The following SLC35D1 variants were observed in gnomAD, a reference collection of about 807,000 sequenced individuals.
The protein encoded by SLC35D1 is solute carrier family 35 member D1.
Under a neutral mutation model 46.7 loss-of-function variants are expected in SLC35D1, and 31 were observed. That is an observed-to-expected ratio of 0.66 (90% CI 0.50 to 0.90). The LOEUF is 0.90. Ranked by LOEUF, SLC35D1 falls within the 40% of genes least tolerant of loss-of-function variation. The pLI is 0.00. For synonymous variants in SLC35D1, 195 were observed against 164.6 expected (o/e 1.18, Z -1.41); for missense variants, 397 against 426.2 (o/e 0.93, Z 0.60).
rs190638811 is a variant in SLC35D1, at chr1:67,027,104, G to C, written c.730-5502C>G. ...ATTCATACATTACCTATTTCTTCTT[G>C]AGTGAGCTTTGGTACATAGTTTGTC... On this transcript the variant is annotated intron_variant, in intron 8 of 11. Coordinates refer to ENST00000235345, the MANE Select transcript of SLC35D1 (RefSeq NM_015139.3). Among the ~76,000 whole-genome samples, 35 of 152,272 alleles carry C rather than the reference G, an allele frequency of 2.3e-4. No individual in the cohort carries two copies. The East Asian group carries it at 6.6e-3, about 29-fold the overall frequency.
At chr1:67,033,070 A>G (rs1368430725) in intron 8 of SLC35D1, among the ~76,000 whole-genome samples, 3 of 152,158 alleles carry the variant, frequency 2.0e-5, no homozygotes, top group African/African-American at 7.2e-5. Flanking sequence ...TGCAAATTTC[A>G]GCATCTCCTT....
At chr1:66,974,483 TC>T in the SLC35D1 span, among the ~76,000 whole-genome samples, 1 of 151,898 alleles carries the variant, frequency 6.6e-6, no homozygotes, top group Non-Finnish European at 1.5e-5. Context: ...ATTAAAACAC[TC>T]TTAACCAAAC....
chr1:67,020,237 C>T (rs1225174315), intron 10 of SLC35D1, 132 bp downstream of exon 10: 2 of 681,372 alleles, frequency 2.9e-6, no homozygotes, highest in Admixed American at 4.1e-5. Flanking sequence ...ACTATCACCA[C>T]AATTTGTCAA....
At chr1:67,019,555 G>A (rs1470316312) in intron 10 of SLC35D1, among the ~76,000 whole-genome samples, 1 of 152,200 alleles carries the variant, frequency 6.6e-6, no homozygotes, top group African/African-American at 2.4e-5. Context: ...ATAAACAGCA[G>A]AGCAGTAAAA....
the SLC35D1 span, among the ~76,000 whole-genome samples, chr1:66,988,812 C>A: frequency 6.6e-6 from 1 of 152,172 alleles, no homozygotes; most frequent in Non-Finnish European, 1.5e-5. Context: ...GCAAATATTT[C>A]GGCCTATACT....
rs2102222817 is a variant in SLC35D1 at position 67,003,021 on chromosome 1, T to C, written c.*1319A>G. On this transcript the variant is annotated 3_prime_UTR_variant, in exon 12 of 12. Coordinates refer to ENST00000235345, the MANE Select transcript of SLC35D1 (RefSeq NM_015139.3). ...AATGCAGCATTGGTTTTGAGAGAAGTTGGCAAGCTCAGTAGGTGAGCCAAG... is the reference window on the plus strand; with the variant it reads ...AATGCAGCATTGGTTTTGAGAGAAGCTGGCAAGCTCAGTAGGTGAGCCAAG... 1 of 152,448 alleles carries C rather than the reference T, an allele frequency of 6.6e-6. No individual in the cohort carries two copies. The highest frequency in any genetic ancestry group is 2.4e-5 in the African/African-American group (1 of 41,542). The allele number at this position is 152,448 out of a possible 1,614,324, so 9.4% of individuals were successfully genotyped here. A position where few individuals can be genotyped will look rare whatever the true frequency, so the allele number is the denominator to read the frequency against.
chr1:66,979,660 T>A, the SLC35D1 span, among the ~76,000 whole-genome samples: 1 of 152,228 alleles, frequency 6.6e-6, no homozygotes, highest in Non-Finnish European at 1.5e-5. Flanking sequence ...TATTAATCTT[T>A]AGGAAACAAT....
At chr1:67,024,776 C>T (rs1302437714) in intron 8 of SLC35D1, among the ~76,000 whole-genome samples, 1 of 152,084 alleles carries the variant, frequency 6.6e-6, no homozygotes, top group East Asian at 1.9e-4. Flanking sequence ...CAAGGTCTTG[C>T]TTTGTCAACC....
chr1:67,046,441 T>C (rs1021175645), intron 7 of SLC35D1, among the ~76,000 whole-genome samples: 3 of 135,604 alleles, frequency 2.2e-5, no homozygotes, highest in Non-Finnish European at 4.9e-5. Flanking sequence ...GGTAGGAAAA[T>C]AAGATAAAGT....
Position 67,004,389 on chromosome 1 carries a change from T to G in SLC35D1, c.1019A>C (p.Gln340Pro). 1 of 1,614,124 alleles carries G rather than the reference T, an allele frequency of 6.2e-7. No individual in the cohort carries two copies. The stretch of plus-strand genomic sequence containing the variant: ...GTCCAGCTTGTTATTAGCCTCTGAC[T>G]GTTTGCTCAGCTGCTCTTCAGTGAA... The part of the protein sequence containing the change: ...ITFTEEQLSK[Q>P]SEANNKLDIK... Residue 340 changes from glutamine to proline, a missense_variant, in exon 12 of 12, where the codon CAG (glutamine) becomes CCG (proline). Gln to Pro is a moderately conservative substitution (Grantham distance 76). Coordinates refer to ENST00000235345, the MANE Select transcript of SLC35D1 (RefSeq NM_015139.3).
chr1:67,039,504 T>TGTGTGTGTGTG (rs1402076764), intron 8 of SLC35D1, among the ~76,000 whole-genome samples: 1 of 151,712 alleles, frequency 6.6e-6, no homozygotes, highest in Non-Finnish European at 1.5e-5. Flanking sequence ...TGTGTGTGTG[T>TGTGTGTGTGTG]GTGTGTGTGT....
At chr1:66,985,239 A>AT in the SLC35D1 span, 1 of 970,256 alleles carries the variant, frequency 1.0e-6, no homozygotes, top group Non-Finnish European at 1.2e-6. Flanking sequence ...CATTTGATGT[A>AT]TTAATCATAA....
the SLC35D1 span, among the ~76,000 whole-genome samples, chr1:66,991,488 C>T: frequency 1.3e-5 from 2 of 152,178 alleles, no homozygotes; most frequent in African/African-American, 4.8e-5. Context: ...GTCAAAAAGT[C>T]AACTCATCAC....
intron 8 of SLC35D1, among the ~76,000 whole-genome samples, chr1:67,036,238 A>T (rs768824285): frequency 8.5e-5 from 13 of 152,062 alleles, no homozygotes; most frequent in Non-Finnish European, 1.5e-4. Context: ...TTCTTTGTTG[A>T]CTTTCTGTCT....
At chr1:66,985,468 C>A in the SLC35D1 span, 1 of 983,336 alleles carries the variant, frequency 1.0e-6, no homozygotes, top group Non-Finnish European at 1.2e-6. Flanking sequence ...TAAAAATAAA[C>A]CAGGTCAGGT....
chr1:67,023,020 T>G (rs1336952490), intron 8 of SLC35D1, among the ~76,000 whole-genome samples: 1 of 152,224 alleles, frequency 6.6e-6, no homozygotes, highest in Non-Finnish European at 1.5e-5. Context: ...ATTCATTCAT[T>G]TTTATTGCCA....
At chr1:67,037,742 C>T (rs1276718055) in intron 8 of SLC35D1, among the ~76,000 whole-genome samples, 1 of 152,116 alleles carries the variant, frequency 6.6e-6, no homozygotes, top group African/African-American at 2.4e-5. Context: ...TGACACATCT[C>T]TGTTTACCAT....
the SLC35D1 span, chr1:66,981,955 T>G: frequency 6.2e-7 from 1 of 1,607,454 alleles, no homozygotes; most frequent in South Asian, 1.1e-5. Context: ...TTCTTCATAA[T>G]AAGGGACACT....
rs1667360329 is a variant in SLC35D1 at position 67,002,528 on chromosome 1, T to C, written c.*1812A>G. The C allele has an allele frequency of 6.6e-6, 1 of 152,326 alleles. No homozygotes were observed. Among genetic ancestry groups the C allele is most frequent in the African/African-American group, 2.4e-5 (1 of 41,430 alleles). 9.4% of individuals were successfully genotyped at this position (152,326 alleles called of 1,614,324 possible). On this transcript the variant is annotated 3_prime_UTR_variant, in exon 12 of 12. Coordinates refer to ENST00000235345, the MANE Select transcript of SLC35D1 (RefSeq NM_015139.3). ...AGAGTAAGACCCATATGACACAAGA[T>C]ACTATCCTTTACTCCCAGTGGAATT...
Sources: gnomAD v4.1 joint callset for allele counts (sites outside exome capture counted in the v4.1 genomes callset) on GRCh38, gnomAD v4.1.1 for gene constraint, MANE v1.5 for transcripts, NCBI Gene and HGNC (gene_info 2026-07-23, HGNC 2026-07-21) for gene names.